UVRAG: variants seen among roughly 807,000 people sequenced by gnomAD.
UVRAG encodes the protein UV radiation resistance associated, also known as UV radiation resistance-associated gene protein.
UVRAG carries 19 observed loss-of-function variants against 78.0 expected under a neutral mutation model. That is an observed-to-expected ratio of 0.24 (90% confidence interval 0.17 to 0.36). UVRAG has a LOEUF of 0.36. Among genes scored for constraint, UVRAG ranks in the 10% least tolerant of loss-of-function variants. The pLI, the probability that UVRAG is intolerant of heterozygous loss-of-function variation, is 1.00. For missense variants in UVRAG, 740 were observed against 853.8 expected, an observed-to-expected ratio of 0.87 and a Z score of 1.66; for synonymous variants, 323 against 324.6, an observed-to-expected ratio of 1.00 and a Z score of 0.05.
At chr11:75,907,814 G>A (rs7927825) in intron 5 of UVRAG, among the ~76,000 whole-genome samples, 10,146 of 151,998 alleles carry the variant, frequency 0.067, 479 homozygotes, top group African/African-American at 0.14. Context: ...CAGGTGCCTA[G>A]CCTGATTGAT....
intron 5 of UVRAG, among the ~76,000 whole-genome samples, chr11:75,900,444 C>A (rs1330260521): frequency 1.3e-5 from 2 of 152,202 alleles, no homozygotes; most frequent in Admixed American, 6.5e-5. Flanking sequence ...TTCTTTCTCT[C>A]TGCTTTCACC....
chr11:75,949,830 C>A (rs551073918), intron 6 of UVRAG, among the ~76,000 whole-genome samples: 27 of 151,576 alleles, frequency 1.8e-4, no homozygotes, highest in Non-Finnish European at 2.7e-4. Flanking sequence ...AATAAATATA[C>A]ACACCTGTAT....
At chr11:76,049,071 C>T (rs569540845) in intron 12 of UVRAG, among the ~76,000 whole-genome samples, 10 of 152,332 alleles carry the variant, frequency 6.6e-5, no homozygotes, top group Non-Finnish European at 1.3e-4. Flanking sequence ...GGCTCTCAGC[C>T]GCTATTGTTT....
chr11:76,121,809 A>G (rs765050151), intron 14 of UVRAG, among the ~76,000 whole-genome samples: 2 of 152,222 alleles, frequency 1.3e-5, no homozygotes, highest in Admixed American at 6.5e-5. Flanking sequence ...TCTCACTTCA[A>G]GACCCAGCTC....
chr11:76,015,434 G>C (rs1382329584), intron 11 of UVRAG, among the ~76,000 whole-genome samples: 1 of 152,124 alleles, frequency 6.6e-6, no homozygotes, highest in African/African-American at 2.4e-5. Flanking sequence ...AAGCCAACCT[G>C]TTTACTAGCT....
At chr11:75,876,695 G>GA (rs71036069) in intron 3 of UVRAG, among the ~76,000 whole-genome samples, 133,899 of 146,192 alleles carry the variant, frequency 0.92, 61,403 homozygotes, top group Admixed American at 0.96. Context: ...CTTTGGTCAG[G>GA]AAAAAAAAAA....
chr11:75,979,802 G>C (rs1949351329), intron 7 of UVRAG: 1 of 152,338 alleles, frequency 6.6e-6, no homozygotes, highest in Non-Finnish European at 1.5e-5. Flanking sequence ...GGCTTCCCTT[G>C]GCTGGGAAAG....
chr11:75,952,195 A>C (rs1453952462), intron 6 of UVRAG, among the ~76,000 whole-genome samples: 1 of 151,982 alleles, frequency 6.6e-6, no homozygotes, highest in Admixed American at 6.6e-5. Flanking sequence ...ATTTCTTTGG[A>C]TTTTTCTACA....
chr11:76,011,784 G>A (rs915190439), intron 11 of UVRAG, among the ~76,000 whole-genome samples: 4 of 152,264 alleles, frequency 2.6e-5, no homozygotes, highest in East Asian at 1.9e-4. Flanking sequence ...TTATAGTCCA[G>A]TTGAGGATAT....
At chr11:75,888,722 C>A in intron 4 of UVRAG, 107 bp from the exon 5 acceptor site, 1 of 843,936 alleles carries the variant, frequency 1.2e-6, no homozygotes, top group Non-Finnish European at 1.8e-6. Context: ...TGTAGTCAGC[C>A]GGTTTCTCAG....
At chr11:75,941,090 A>C (rs969975791) in intron 6 of UVRAG, among the ~76,000 whole-genome samples, 54 of 152,250 alleles carry the variant, frequency 3.5e-4, no homozygotes, top group African/African-American at 1.2e-3. Context: ...CTTAATAAGC[A>C]CATTGTTGAG....
chr11:75,990,580 A>G (rs1162106075), intron 8 of UVRAG, among the ~76,000 whole-genome samples: 1 of 152,152 alleles, frequency 6.6e-6, no homozygotes, highest in Non-Finnish European at 1.5e-5. Context: ...GCTCACCTCA[A>G]TCTGAATGCT....
At chr11:75,960,533 G>A (rs142796089) in intron 6 of UVRAG, among the ~76,000 whole-genome samples, 94 of 152,222 alleles carry the variant, frequency 6.2e-4, no homozygotes, top group African/African-American at 2.0e-3. Context: ...TTGAGAGGCC[G>A]AGGCGGGCAC....
At chr11:76,051,944 C>A (rs1471106416) in intron 12 of UVRAG, among the ~76,000 whole-genome samples, 1 of 152,140 alleles carries the variant, frequency 6.6e-6, no homozygotes, top group Non-Finnish European at 1.5e-5. Context: ...CTGTCACATA[C>A]CTTCCTATGC....
chr11:75,893,939 C>G (rs1590985977), intron 5 of UVRAG, among the ~76,000 whole-genome samples: 1 of 152,126 alleles, frequency 6.6e-6, no homozygotes, highest in African/African-American at 2.4e-5. Flanking sequence ...ACCACTGCAC[C>G]TGTCAGGGAT....
At chr11:75,819,327 A>C (rs543507958) in intron 1 of UVRAG, among the ~76,000 whole-genome samples, 2 of 151,698 alleles carry the variant, frequency 1.3e-5, no homozygotes. Context: ...CTAGTGACAC[A>C]TTTTTTTTAC....
chr11:75,878,945 C>T (rs1946879382), intron 3 of UVRAG, among the ~76,000 whole-genome samples: 1 of 149,210 alleles, frequency 6.7e-6, no homozygotes, highest in South Asian at 2.1e-4. Flanking sequence ...GGGAGACCCC[C>T]TTATGTTTAA....
rs1459808024 is a variant in UVRAG, at chr11:76,136,633, G to C, written c.1398-4078G>C. ...TCCCACCTCAGCCCACAGTTGCTGG[G>C]ACTACAAGCGCTCACCACCATACCC... On this transcript the variant is annotated intron_variant, in intron 14 of 14. Transcript: ENST00000356136. Among the ~76,000 whole-genome samples the C allele has an allele frequency of 4.1e-3, 626 of 151,794 alleles. 3 individuals carry two copies. Among genetic ancestry groups the C allele is most frequent in the African/African-American group, 0.014 (596 of 41,382 alleles).
intron 9 of UVRAG, 26 bp from the exon 10 acceptor site, chr11:76,007,508 A>G (rs1429429247): frequency 6.5e-7 from 1 of 1,538,038 alleles, no homozygotes; most frequent in South Asian, 1.2e-5. Context: ...ATTTTTTAAT[A>G]AATGTATTTT....
Sources: gnomAD v4.1 joint callset for allele counts (sites outside exome capture counted in the v4.1 genomes callset) on GRCh38, gnomAD v4.1.1 for gene constraint, MANE v1.5 for transcripts, NCBI Gene and HGNC (gene_info 2026-07-23, HGNC 2026-07-21) for gene names.